MYO7B: variants seen among roughly 807,000 people sequenced by gnomAD.
MYO7B encodes unconventional myosin-VIIb.
MYO7B carries 212 observed loss-of-function variants against 259.7 expected under a neutral mutation model. That is an observed-to-expected ratio of 0.82 (90% CI 0.73 to 0.91). MYO7B has a LOEUF of 0.91. MYO7B is among the 40% of genes least tolerant of loss of function. MYO7B has a pLI of 0.00. For synonymous variants in MYO7B, 1,197 were observed against 1,166.4 expected (o/e 1.03, Z -0.54); for missense variants, 2,732 against 2,813.5 (o/e 0.97, Z 0.66).
chr2:127,590,272 G>T lies in MYO7B; in HGVS notation c.1992+43G>T. Reference sequence around the variant, plus strand: ...GGGCACAGCAAAGGAGGGAGGAGGAGGAGGCTGATGGCCTCTAGGGTTGTG... The same window carrying T: ...GGGCACAGCAAAGGAGGGAGGAGGATGAGGCTGATGGCCTCTAGGGTTGTG... On this transcript the variant is annotated intron_variant, in intron 16 of 47. Transcript: ENST00000409816. The surrounding 1 kb of genome is among the most constrained non-coding windows in gnomAD (Gnocchi z 4.6). The T allele has an allele frequency of 1.2e-6, 2 of 1,611,732 alleles. No individual in the cohort carries two copies. The highest frequency in any genetic ancestry group is 2.2e-5 in the South Asian group (2 of 90,942).
At chr2:127,565,905 A>C (rs1678318583) in intron 4 of MYO7B, among the ~76,000 whole-genome samples, 1 of 152,240 alleles carries the variant, frequency 6.6e-6, no homozygotes, top group Admixed American at 6.5e-5. Flanking sequence ...TGGTATTCCA[A>C]AACCGACACC....
chr2:127,623,794 C>A (rs1009980672), intron 29 of MYO7B, among the ~76,000 whole-genome samples: 1 of 152,134 alleles, frequency 6.6e-6, no homozygotes, highest in Non-Finnish European at 1.5e-5. Flanking sequence ...CACGCCCACA[C>A]CCTCAGACTC....
Position 127,559,839 on chromosome 2 carries a change from T to C in MYO7B, c.18+99T>C. On this transcript the variant is annotated intron_variant, in intron 2 of 47. Transcript: ENST00000409816. The surrounding 1 kb of genome is among the most constrained non-coding windows in gnomAD (Gnocchi z 4.1). ...AAAGAGAGGAAAGGCAATGAGACCC[T>C]ATAGGAAAATACCAGAGACAGGGGA... is the stretch of plus-strand genomic sequence containing the variant. The C allele has an allele frequency of 9.0e-6, 12 of 1,336,846 alleles. No homozygotes were observed. The highest frequency in any genetic ancestry group is 1.3e-5 in the Non-Finnish European group (12 of 928,226). 82.8% of individuals were successfully genotyped at this position (1,336,846 alleles called of 1,614,324 possible). A position where few individuals can be genotyped will look rare whatever the true frequency, so the allele number is the denominator to read the frequency against.
Position 127,634,579 on chromosome 2 carries a change from A to G in MYO7B, c.5626-17A>G. 6.2e-7 allele frequency: 1 copy of G among 1,604,620 alleles called. No individual in the cohort carries two copies. On this transcript the variant is annotated splice_polypyrimidine_tract_variant and intron_variant, in intron 41 of 47. Coordinates refer to ENST00000409816, the MANE Select transcript of MYO7B (RefSeq NM_001393586.1). ...CCCGGAAGCCACCCAACTTCCCTGT[A>G]CCTTCCCCTTCCCCAGGTCATCAGC...
intron 17 of MYO7B, 150 bp from the exon 18 acceptor site, chr2:127,593,396 G>A: frequency 1.4e-6 from 1 of 727,796 alleles, no homozygotes; most frequent in Middle Eastern, 3.9e-4. Flanking sequence ...ACCCCTATTC[G>A]AGGTTCCCGT....
rs1678858456 is a variant in MYO7B at position 127,576,195 on chromosome 2, T to C, written c.736-400T>C. On this transcript the variant is annotated intron_variant, in intron 7 of 47. Coordinates refer to ENST00000409816, the MANE Select transcript of MYO7B (RefSeq NM_001393586.1). The surrounding 1 kb of genome is among the most constrained non-coding windows in gnomAD (Gnocchi z 4.9). ...GCTTGGGTGACAGAGCAAGACCTTC[T>C]CTCGGAAAAAAAAAAAATACTGAAG... 6.6e-6 allele frequency among the ~76,000 whole-genome samples: 1 copy of C among 150,474 alleles called. No homozygotes were observed. Among genetic ancestry groups the C allele is most frequent in the African/African-American group, 2.5e-5 (1 of 40,792 alleles).
At position 127,636,803 on chromosome 2, in the gene MYO7B, A is replaced by C; in HGVS notation, c.6217A>C (p.Thr2073Pro). ...CCCTCTCTGCCCCCAGGACCTGCTC[A>C]CCACCTATCCCTTCACCAAGATCTC... ...LIHPKTKDLL[T>P]TYPFTKISSW... The change falls in exon 47 of 48, where the codon ACC becomes CCC. Residue 2073 changes from threonine (T) to proline (P), a missense_variant. Around this residue, in one of 3 missense-constraint regions of MYO7B, gnomAD observed 821 missense variants for 769.3 expected, o/e 1.07. Transcript: ENST00000409816. The surrounding 1 kb of genome is among the most constrained non-coding windows in gnomAD (Gnocchi z 4.5). The C allele has an allele frequency of 6.2e-7, 1 of 1,609,804 alleles. No individual in the cohort carries two copies. Among genetic ancestry groups the C allele is most frequent in the Non-Finnish European group, 8.5e-7 (1 of 1,178,384 alleles).
intron 43 of MYO7B, 126 bp from the exon 44 acceptor site, chr2:127,635,596 C>A: frequency 9.5e-7 from 1 of 1,054,252 alleles, no homozygotes; most frequent in Non-Finnish European, 1.4e-6. Flanking sequence ...AAACTCTCTA[C>A]CCTGCTCAGT....
intron 39 of MYO7B, among the ~76,000 whole-genome samples, chr2:127,633,014 C>T (rs1392669285): frequency 1.3e-5 from 2 of 152,236 alleles, no homozygotes; most frequent in South Asian, 2.1e-4. Context: ...TCCCGGGAGC[C>T]CCTGGCCTGG....
At chr2:127,566,204 G>T (rs1359378896) in intron 4 of MYO7B, among the ~76,000 whole-genome samples, 1 of 152,238 alleles carries the variant, frequency 6.6e-6, no homozygotes, top group African/African-American at 2.4e-5. Context: ...CTGGGTGGGG[G>T]CTCCAGATGG....
Position 127,585,424 on chromosome 2 carries a change from G to T in MYO7B, c.1690+511G>T, listed in dbSNP as rs1206878372. Among the ~76,000 whole-genome samples the T allele has an allele frequency of 1.3e-5, 2 of 152,136 alleles. No homozygotes were observed. Among genetic ancestry groups the T allele is most frequent in the African/African-American group, 2.4e-5 (1 of 41,430 alleles). On this transcript the variant is annotated intron_variant, in intron 14 of 47. Transcript: ENST00000409816. This position sits in a 1 kb window ranked among gnomAD's most constrained non-coding sequence, Gnocchi z 4.3. Reference sequence around the variant, plus strand: ...GTTGTAGTACGTGTCAGTGCTCCATGTCTTTTTATTGCAGAAAAACATTCC... The same window carrying T: ...GTTGTAGTACGTGTCAGTGCTCCATTTCTTTTTATTGCAGAAAAACATTCC...
In MYO7B at chr2:127,584,073, G is replaced by T; in HGVS notation, c.1344-49G>T. 6.5e-7 allele frequency: 1 copy of T among 1,545,994 alleles called. No individual in the cohort carries two copies. The highest frequency in any genetic ancestry group is 8.8e-7 in the Non-Finnish European group (1 of 1,132,992). The stretch of plus-strand genomic sequence containing the variant: ...TATGGCTCCAGCCTGCTGCAGCGGG[G>T]ACTCAGCTGGCCCCACTCCACCCCT... On this transcript the variant is annotated intron_variant, in intron 12 of 47. Transcript: ENST00000409816. The surrounding 1 kb of genome is among the most constrained non-coding windows in gnomAD (Gnocchi z 5.8).
chr2:127,559,685 T>C lies in MYO7B; in HGVS notation c.-23-15T>C. 1 of 1,613,780 alleles carries C rather than the reference T, an allele frequency of 6.2e-7. No homozygotes were observed. Among genetic ancestry groups the C allele is most frequent in the South Asian group, 1.1e-5 (1 of 91,078 alleles). ...TGTGTATGGAGCTGACGTTCTGCTT[T>C]CTCTCTCCATACAGGCTTGTGGAAC... is the stretch of plus-strand genomic sequence containing the variant. On this transcript the variant is annotated splice_polypyrimidine_tract_variant and intron_variant, in intron 1 of 47. Coordinates refer to ENST00000409816, the MANE Select transcript of MYO7B (RefSeq NM_001393586.1). The surrounding 1 kb of genome is among the most constrained non-coding windows in gnomAD (Gnocchi z 4.1).
At position 127,636,580 on chromosome 2, in the gene MYO7B, C is replaced by T; in HGVS notation, c.6159C>T (p.Leu2053=). 1.2e-6 allele frequency: 2 copies of T among 1,612,966 alleles called. No homozygotes were observed. The highest frequency in any genetic ancestry group is 1.6e-4 in the Middle Eastern group (1 of 6,062). ...TSEPSYPDVI[L]IAINRHGVLL... is the part of the protein sequence containing the mutation. ...AGCCTTCCTACCCGGACGTCATCCTCATCGCCATCAACCGACATGGGGTTC... is the reference window on the plus strand; with the variant it reads ...AGCCTTCCTACCCGGACGTCATCCTTATCGCCATCAACCGACATGGGGTTC... The change falls in exon 46 of 48, where the codon CTC becomes CTT. Residue 2053 remains leucine (L), a synonymous_variant. Transcript: ENST00000409816. This position sits in a 1 kb window ranked among gnomAD's most constrained non-coding sequence, Gnocchi z 4.5.
In MYO7B at chr2:127,566,741, C is replaced by A. The variant is rs370063306; in HGVS notation, c.384C>A (p.Gly128=). 1.2e-6 allele frequency: 2 copies of A among 1,612,874 alleles called. No homozygotes were observed. Among genetic ancestry groups the A allele is most frequent in the Non-Finnish European group, 1.7e-6 (2 of 1,179,842 alleles). ...AGCTCTACTACAGCCGCCATATGGG[C>A]GAGCTGCCCCCGCATGTCTTTGCCA... The part of the protein sequence containing the change: ...QVQLYYSRHM[G]ELPPHVFAIA... The change falls in exon 5 of 48, where the codon GGC becomes GGA. Residue 128 remains glycine, a synonymous_variant. Transcript: ENST00000409816.
Position 127,593,635 on chromosome 2 carries a change from T to G in MYO7B, c.2235T>G (p.Ile745Met). ...DKDWKAGKTKIFLRDHQDTLL... is the reference protein window; with the variant it reads ...DKDWKAGKTKMFLRDHQDTLL... ...ACTGGAAAGCGGGGAAGACAAAAAT[T>G]TTCCTGAGGGTGAGACCCCGAGGAA... is the stretch of plus-strand genomic sequence containing the variant. The change falls in exon 18 of 48, where the codon ATT (isoleucine) becomes ATG (methionine). Residue 745 changes from isoleucine to methionine, a missense_variant. Ile to Met is a conservative substitution (Grantham distance 10, BLOSUM62 1). This residue lies in a region of MYO7B where 1,906 missense variants were observed against 2,026.4 expected (regional missense o/e 0.94). Coordinates refer to ENST00000409816, the MANE Select transcript of MYO7B (RefSeq NM_001393586.1). The G allele has an allele frequency of 6.2e-7, 1 of 1,613,464 alleles. No homozygotes were observed. The highest frequency in any genetic ancestry group is 2.2e-5 in the East Asian group (1 of 44,840).
chr2:127,580,825 A>AG lies in MYO7B; in HGVS notation c.1080+7dup, dbSNP rs748040115. The AG allele has an allele frequency of 9.3e-6, 15 of 1,612,092 alleles. No homozygotes were observed. In the East Asian group the frequency reaches 3.3e-4, roughly 36 times the overall value. ...CCACCGTGATGAAGTTACTGGAGGT[A>AG]GGGGTGCTGTGCCCACAGCTTCCAT... is the stretch of plus-strand genomic sequence containing the variant. On this transcript the variant is annotated splice_donor_region_variant and intron_variant, in intron 10 of 47. Transcript: ENST00000409816.
intron 29 of MYO7B, 131 bp from the exon 30 acceptor site, chr2:127,623,962 G>A (rs1680973688): frequency 5.2e-6 from 4 of 774,274 alleles, no homozygotes; most frequent in Non-Finnish European, 8.1e-6. Flanking sequence ...GCTCAGCAGT[G>A]TCCACTCAGC....
At chr2:127,632,085 GGCAGCCTGGCACAGCTGGCATGGT>G (rs1034896513) in intron 38 of MYO7B, among the ~76,000 whole-genome samples, 137 bp from the exon 39 acceptor site, 2 of 152,234 alleles carry the variant, frequency 1.3e-5, no homozygotes, top group African/African-American at 4.8e-5. Flanking sequence ...CGTGGCATCG[GGCAGCCTGGCACAGCTGGCATGGT>G]GCAGCCTGGC....
Sources: gnomAD v4.1 joint callset for allele counts (sites outside exome capture counted in the v4.1 genomes callset) on GRCh38, gnomAD v4.1.1 for gene constraint, gnomAD v4.1.1 regional missense constraint, Gnocchi (gnomAD v3.1) non-coding constraint, MANE v1.5 for transcripts, NCBI Gene and HGNC (gene_info 2026-07-23, HGNC 2026-07-21) for gene names.